Variants in LRRC37A2 observed in about 807,000 individuals in gnomAD.
LRRC37A2 encodes leucine-rich repeat-containing protein 37A2.
LRRC37A2 carries 9 observed loss-of-function variants against 68.8 expected under a neutral mutation model. The observed-to-expected ratio is 0.13, with a 90% confidence interval of 0.08 to 0.23. The LOEUF (loss-of-function observed/expected upper bound fraction) is 0.23, where lower values mean the gene tolerates loss of function less well. LRRC37A2 is among the 10% of genes least tolerant of loss of function. The probability of loss-of-function intolerance (pLI) is 1.00; values close to 1 mark genes in which losing one functional copy is unlikely to be tolerated. For missense variants in LRRC37A2, 168 were observed against 950.4 expected (o/e 0.18, Z 10.82); for synonymous variants, 63 against 367.6 (o/e 0.17, Z 9.48).
chr17:46,882,577 A>AGGTGCCCGCCACCACGCCC, the LRRC37A2 span, among the ~76,000 whole-genome samples: 1 of 152,064 alleles, frequency 6.6e-6, no homozygotes, highest in Non-Finnish European at 1.5e-5. Context: ...CTGGGATTAC[A>AGGTGCCCGCCACCACGCCC]GGCTCACCCA....
chr17:46,740,908 C>T, the LRRC37A2 span, among the ~76,000 whole-genome samples: 3 of 151,908 alleles, frequency 2.0e-5, no homozygotes, highest in Admixed American at 6.6e-5. Context: ...GTGATCTGCC[C>T]GTCTCAATAT....
the LRRC37A2 span, among the ~76,000 whole-genome samples, chr17:47,016,281 C>T: frequency 0.19 from 29,191 of 149,852 alleles, 3,770 homozygotes; most frequent in East Asian, 0.56. Flanking sequence ...GCACCCTATG[C>T]CTATGCCAGG....
the LRRC37A2 span, among the ~76,000 whole-genome samples, chr17:47,022,196 G>GTTTTTTTTT: frequency 1.0e-4 from 2 of 19,208 alleles, no homozygotes; most frequent in Admixed American, 7.9e-4. Flanking sequence ...CCAGAGACAG[G>GTTTTTTTTT]TTCTTACTTT....
chr17:46,534,799 G>A lies in LRRC37A2; in HGVS notation c.2907-5377G>A, dbSNP rs1315653395. 2.4e-4 allele frequency among the ~76,000 whole-genome samples: 36 copies of A among 147,676 alleles called. 3 individuals carry two copies. The highest frequency in any genetic ancestry group is 7.9e-4 in the East Asian group (4 of 5,082). ...GGGCAGAGGCGCCCCCCCACCTCCC[G>A]GAGGGGGCGGCTGGCCAGGCGGGGG... On this transcript the variant is annotated intron_variant, in intron 6 of 14. Coordinates refer to ENST00000576629, the Ensembl canonical transcript of LRRC37A2.
chr17:46,814,371 A>G, the LRRC37A2 span, among the ~76,000 whole-genome samples: 1 of 152,226 alleles, frequency 6.6e-6, no homozygotes, highest in Non-Finnish European at 1.5e-5. Flanking sequence ...ATGTGATCCT[A>G]TCGGAAGAAT....
downstream of LRRC37A2, among the ~76,000 whole-genome samples, chr17:46,558,360 T>C (rs2057397355): frequency 9.4e-6 from 1 of 106,000 alleles, no homozygotes; most frequent in Non-Finnish European, 1.8e-5. Flanking sequence ...GCGCCTGGCT[T>C]GTTTTGGGTT....
chr17:47,022,103 TAA>T, the LRRC37A2 span, among the ~76,000 whole-genome samples: 1 of 149,654 alleles, frequency 6.7e-6, no homozygotes, highest in Admixed American at 6.7e-5. Flanking sequence ...CTCTTTAAAA[TAA>T]GAGGCAATTT....
the LRRC37A2 span, among the ~76,000 whole-genome samples, chr17:46,960,674 A>G: frequency 1.3e-5 from 2 of 152,252 alleles, no homozygotes; most frequent in Non-Finnish European, 2.9e-5. Context: ...GAATATTACT[A>G]CTAAGCAAGA....
intron 6 of LRRC37A2, among the ~76,000 whole-genome samples, chr17:46,534,840 C>G (rs1176494783): frequency 1.3e-5 from 2 of 149,572 alleles, no homozygotes; most frequent in African/African-American, 2.5e-5. Flanking sequence ...CCCCACCTCC[C>G]TCCCAGACAG....
chr17:46,961,998 A>C, the LRRC37A2 span, among the ~76,000 whole-genome samples: 3 of 152,168 alleles, frequency 2.0e-5, no homozygotes, highest in African/African-American at 4.8e-5. Context: ...GATATTTCTA[A>C]AATGAGGATA....
At chr17:46,970,672 C>T in the LRRC37A2 span, among the ~76,000 whole-genome samples, 119 of 152,248 alleles carry the variant, frequency 7.8e-4, no homozygotes, top group African/African-American at 2.7e-3. Context: ...GCACTGGAGC[C>T]GCTCCACTCA....
intron 6 of LRRC37A2, among the ~76,000 whole-genome samples, chr17:46,534,163 A>G (rs1448671757): frequency 6.8e-6 from 1 of 147,572 alleles, no homozygotes; most frequent in Non-Finnish European, 1.5e-5. Context: ...ACAGGCATGC[A>G]CCACCATGCC....
At chr17:46,826,297 C>G in the LRRC37A2 span, among the ~76,000 whole-genome samples, 1 of 152,232 alleles carries the variant, frequency 6.6e-6, no homozygotes, top group Non-Finnish European at 1.5e-5. Flanking sequence ...GTCCTGGGAG[C>G]CTAATCACAT....
At chr17:46,506,139 GGA>G in the LRRC37A2 span, among the ~76,000 whole-genome samples, 335 of 145,298 alleles carry the variant, frequency 2.3e-3, no homozygotes, top group Middle Eastern at 3.5e-3. Flanking sequence ...GGGCTTCAGT[GGA>G]ACAAGAGTCT....
the LRRC37A2 span, chr17:46,938,996 T>A: frequency 2.9e-6 from 4 of 1,370,504 alleles, no homozygotes; most frequent in Admixed American, 1.0e-4. Context: ...AAGTCCCGGG[T>A]CTGTCTCTCT....
chr17:46,896,418 GA>G, the LRRC37A2 span, among the ~76,000 whole-genome samples: 4 of 89,214 alleles, frequency 4.5e-5, no homozygotes, highest in African/African-American at 3.8e-4. Context: ...AAGAAAGAAA[GA>G]AAGAAAGAAA....
chr17:46,812,067 C>A, the LRRC37A2 span, among the ~76,000 whole-genome samples: 1 of 152,210 alleles, frequency 6.6e-6, no homozygotes, highest in Non-Finnish European at 1.5e-5. Flanking sequence ...GGCCCGTTTT[C>A]CAGCCCGTCG....
chr17:46,924,565 C>G, the LRRC37A2 span: 1 of 152,190 alleles, frequency 6.6e-6, no homozygotes, highest in African/African-American at 2.4e-5. Flanking sequence ...AAATGAAATG[C>G]CCTGAAGCAT....
At chr17:46,735,311 A>T in the LRRC37A2 span, among the ~76,000 whole-genome samples, 3 of 152,168 alleles carry the variant, frequency 2.0e-5, no homozygotes, top group Non-Finnish European at 2.9e-5. Flanking sequence ...GCTAGAATGT[A>T]TTCTTCCAGA....
Sources: allele counts gnomAD v4.1 joint callset (sites outside exome capture counted in the v4.1 genomes callset), GRCh38; gene constraint gnomAD v4.1.1; transcripts MANE v1.5; gene names NCBI Gene and HGNC (gene_info 2026-07-23, HGNC 2026-07-21).